The following PHKB variants were observed in gnomAD, a reference collection of about 807,000 sequenced individuals.
The protein encoded by PHKB is phosphorylase kinase regulatory subunit beta, also known as phosphorylase b kinase regulatory subunit beta.
PHKB carries 122 observed loss-of-function variants against 152.1 expected under a neutral mutation model. The observed-to-expected ratio is 0.80, with a 90% CI of 0.69 to 0.93. The LOEUF (loss-of-function observed/expected upper bound fraction) is 0.93. Ranked by LOEUF, PHKB falls within the 40% of genes least tolerant of loss-of-function variation. The pLI is 0.00. For missense variants in PHKB, 1,304 were observed against 1,328.4 expected (o/e 0.98, Z 0.29); for synonymous variants, 436 against 464.9 (o/e 0.94, Z 0.80).
chr16:47,695,112 G>A (rs541795783), intron 28 of PHKB, among the ~76,000 whole-genome samples: 1 of 152,236 alleles, frequency 6.6e-6, no homozygotes, highest in South Asian at 2.1e-4. Flanking sequence ...GTAAGTAGCT[G>A]CCCCAGGATG....
chr16:47,515,682 T>G (rs1454958685), intron 6 of PHKB, 81 bp downstream of exon 6: 5 of 731,908 alleles, frequency 6.8e-6, no homozygotes, highest in Non-Finnish European at 1.2e-5. Context: ...ACAACTTATT[T>G]TTAGTTTATG....
At position 47,503,227 on chromosome 16, in the gene PHKB, A is replaced by T; in HGVS notation, c.405+137A>T. The T allele has an allele frequency of 5.7e-6, 4 of 704,248 alleles. No individual in the cohort carries two copies. The South Asian group carries it at 6.1e-5, about 11-fold the overall frequency. The allele number at this position is 704,248 out of a possible 1,614,324, so 43.6% of individuals were successfully genotyped here. A position where few individuals can be genotyped will look rare whatever the true frequency, so the allele number is the denominator to read the frequency against. On this transcript the variant is annotated intron_variant, in intron 4 of 30. Transcript: ENST00000323584. ...CATCCTAGGGCGGCCTAGATAGGTT[A>T]ACAGCCTTTGCCATTCTAGCCCAGG...
chr16:47,540,957 A>G (rs1024861185), intron 6 of PHKB, among the ~76,000 whole-genome samples: 2 of 151,068 alleles, frequency 1.3e-5, no homozygotes, highest in Non-Finnish European at 2.9e-5. Context: ...CCTCCCAAGT[A>G]GCTGGGATTA....
At chr16:47,567,088 G>A (rs1237612100) in intron 7 of PHKB, among the ~76,000 whole-genome samples, 1 of 152,062 alleles carries the variant, frequency 6.6e-6, no homozygotes, top group Non-Finnish European at 1.5e-5. Context: ...GTTTTTGGTT[G>A]CATATGAACC....
intron 7 of PHKB, among the ~76,000 whole-genome samples, chr16:47,558,473 G>T (rs1971420652): frequency 6.6e-6 from 1 of 152,174 alleles, no homozygotes; most frequent in Non-Finnish European, 1.5e-5. Context: ...CCAGAGATTT[G>T]AATAACTAGT....
At chr16:47,492,172 A>G (rs1970160862) in intron 1 of PHKB, among the ~76,000 whole-genome samples, 1 of 152,178 alleles carries the variant, frequency 6.6e-6, no homozygotes, top group Non-Finnish European at 1.5e-5. Context: ...AGAACAAAAC[A>G]TTGCCACGTG....
Position 47,497,428 on chromosome 16 carries a change from A to G in PHKB, c.106A>G (p.Asn36Asp), listed in dbSNP as rs768528505. Residue 36 changes from asparagine to aspartate, a missense_variant, in exon 2 of 31, where the codon AAT (asparagine) becomes GAT (aspartate). Asn to Asp is a conservative substitution (Grantham distance 23, BLOSUM62 1). Transcript: ENST00000323584. Reference sequence around the variant, plus strand: ...AGTTTATGAACCTCTTAAAAGCATTAATCTTCCAAGACCTGATAATGAAAC... The same window carrying G: ...AGTTTATGAACCTCTTAAAAGCATTGATCTTCCAAGACCTGATAATGAAAC... ...GSVYEPLKSI[N>D]LPRPDNETLW... 21 of 1,608,196 alleles carry G rather than the reference A, an allele frequency of 1.3e-5. No individual in the cohort carries two copies. Among genetic ancestry groups the G allele is most frequent in the Non-Finnish European group, 1.4e-5 (17 of 1,176,792 alleles).
chr16:47,496,215 G>C (rs998638138), intron 1 of PHKB, among the ~76,000 whole-genome samples: 1 of 151,724 alleles, frequency 6.6e-6, no homozygotes, highest in Non-Finnish European at 1.5e-5. Context: ...TCCAGAGATG[G>C]ATTAATTGTG....
At chr16:47,685,846 A>G (rs13334439) in intron 26 of PHKB, among the ~76,000 whole-genome samples, 2,516 of 149,836 alleles carry the variant, frequency 0.017, 71 homozygotes, top group African/African-American at 0.057. Flanking sequence ...GGTTCACACC[A>G]TTCTCCTGCC....
At chr16:47,519,981 A>G (rs143214081) in intron 6 of PHKB, among the ~76,000 whole-genome samples, 1 of 152,186 alleles carries the variant, frequency 6.6e-6, no homozygotes. Context: ...TCTTTAAAAT[A>G]TTAAATTTTT....
In PHKB at chr16:47,524,865, C is replaced by T. The variant is rs777703524; in HGVS notation, c.594+9264C>T. Among the ~76,000 whole-genome samples the T allele has an allele frequency of 2.8e-4, 42 of 152,246 alleles. No homozygotes were observed. In the Middle Eastern group the frequency reaches 0.017, roughly 62 times the overall value. ...CTGACTGGGAAGTCTTAAAAGGGAA[C>T]ACTTTAATATTTTTCTTTTTACTAT... On this transcript the variant is annotated intron_variant, in intron 6 of 30. Coordinates refer to ENST00000323584, the MANE Select transcript of PHKB (RefSeq NM_000293.3).
At chr16:47,564,441 AT>A (rs1387363393) in intron 7 of PHKB, among the ~76,000 whole-genome samples, 14 of 151,820 alleles carry the variant, frequency 9.2e-5, no homozygotes, top group Non-Finnish European at 1.9e-4. Flanking sequence ...CATTAGTGGC[AT>A]TTTTTTCATG....
intron 2 of PHKB, among the ~76,000 whole-genome samples, chr16:47,499,054 T>G (rs1456496644): frequency 6.6e-6 from 1 of 152,234 alleles, no homozygotes; most frequent in Non-Finnish European, 1.5e-5. Flanking sequence ...AGCTCATTTA[T>G]AAAAGATAAT....
chr16:47,540,567 C>T (rs530123245), intron 6 of PHKB, among the ~76,000 whole-genome samples: 6 of 151,974 alleles, frequency 3.9e-5, no homozygotes, highest in Admixed American at 1.3e-4. Flanking sequence ...TCACCCCTGG[C>T]GGCCCAGCTG....
chr16:47,665,153 A>G (rs1597161892), intron 25 of PHKB, 178 bp downstream of exon 25: 4 of 605,412 alleles, frequency 6.6e-6, no homozygotes, highest in South Asian at 5.7e-5. Context: ...TTAGTCATCT[A>G]TGTTGAAATT....
chr16:47,582,911 C>T (rs1971872826), intron 8 of PHKB, among the ~76,000 whole-genome samples: 1 of 152,196 alleles, frequency 6.6e-6, no homozygotes, highest in Non-Finnish European at 1.5e-5. Context: ...ATTCTCCTGC[C>T]TCAGCCTCCC....
intron 26 of PHKB, among the ~76,000 whole-genome samples, chr16:47,677,696 A>T (rs1973758938): frequency 6.6e-6 from 1 of 152,298 alleles, no homozygotes; most frequent in Middle Eastern, 3.4e-3. Context: ...TTAGGGCTTC[A>T]ACATTTGAAT....
intron 1 of PHKB, among the ~76,000 whole-genome samples, chr16:47,475,783 T>G (rs999296439): frequency 3.3e-5 from 5 of 152,100 alleles, no homozygotes; most frequent in Non-Finnish European, 7.4e-5. Context: ...TGATAGAGAG[T>G]GTTAATCATT....
chr16:47,678,190 T>A (rs1167228559), intron 26 of PHKB, among the ~76,000 whole-genome samples: 1 of 152,068 alleles, frequency 6.6e-6, no homozygotes. Flanking sequence ...TTGGGTTGGT[T>A]CCAAGTCTTT....
Sources: allele counts gnomAD v4.1 joint callset (sites outside exome capture counted in the v4.1 genomes callset), GRCh38; gene constraint gnomAD v4.1.1; transcripts MANE v1.5; gene names NCBI Gene and HGNC (gene_info 2026-07-23, HGNC 2026-07-21).